The following PHACTR1 variants were observed in gnomAD, a reference collection of about 807,000 sequenced individuals.
PHACTR1 encodes RPEL repeat containing 1.
In PHACTR1, 16 loss-of-function variants were observed where a neutral mutation model predicts 69.2. That is an observed-to-expected ratio of 0.23 (90% confidence interval 0.16 to 0.35). The LOEUF (loss-of-function observed/expected upper bound fraction) is 0.35. Ranked by LOEUF, PHACTR1 falls within the 10% of genes least tolerant of loss-of-function variation. The pLI, the probability that PHACTR1 is intolerant of heterozygous loss-of-function variation, is 1.00. For missense variants in PHACTR1, 510 were observed against 734.7 expected, an observed-to-expected ratio of 0.69 and a Z score of 3.54; for synonymous variants, 312 against 284.5, an observed-to-expected ratio of 1.10 and a Z score of -0.97.
chr6:13,132,305 G>A (rs1027417391), intron 5 of PHACTR1, among the ~76,000 whole-genome samples: 2 of 152,076 alleles, frequency 1.3e-5, no homozygotes, highest in Non-Finnish European at 2.9e-5. Context: ...ACTGGCACCT[G>A]CCTGTGGGGA....
At chr6:13,066,510 G>A (rs929714180) in intron 5 of PHACTR1, among the ~76,000 whole-genome samples, 1 of 152,192 alleles carries the variant, frequency 6.6e-6, no homozygotes, top group African/African-American at 2.4e-5. Flanking sequence ...ATGACTGCGT[G>A]TGTTAAAAGC....
chr6:12,730,986 TTTTATTTA>T (rs10648753), intron 3 of PHACTR1, among the ~76,000 whole-genome samples: 1,860 of 137,982 alleles, frequency 0.013, 40 homozygotes, highest in African/African-American at 0.034. Flanking sequence ...ATATTACCTT[TTTTATTTA>T]TTTATTTATT....
intron 5 of PHACTR1, among the ~76,000 whole-genome samples, chr6:13,144,408 C>T (rs1414373659): frequency 6.6e-6 from 1 of 152,074 alleles, no homozygotes; most frequent in Non-Finnish European, 1.5e-5. Flanking sequence ...TATATACCAG[C>T]AACACATATT....
intron 7 of PHACTR1, among the ~76,000 whole-genome samples, chr6:13,183,614 C>T (rs1762458398): frequency 6.6e-6 from 1 of 152,066 alleles, no homozygotes; most frequent in South Asian, 2.1e-4. Flanking sequence ...CACAGAACAC[C>T]TGATCAGGGA....
intron 10 of PHACTR1, among the ~76,000 whole-genome samples, chr6:13,231,661 G>A (rs981711985): frequency 6.6e-6 from 1 of 152,024 alleles, no homozygotes; most frequent in African/African-American, 2.4e-5. Flanking sequence ...TGCCCTTTAT[G>A]TATGGATATT....
chr6:12,938,299 A>G lies in PHACTR1; in HGVS notation c.251-115066A>G, dbSNP rs1471504233. Among the ~76,000 whole-genome samples, 4 of 152,278 alleles carry G rather than the reference A, an allele frequency of 2.6e-5. No individual in the cohort carries two copies. The East Asian group carries it at 7.7e-4, about 29-fold the overall frequency. On this transcript the variant is annotated intron_variant, in intron 4 of 14. Coordinates refer to ENST00000332995, the MANE Select transcript of PHACTR1 (RefSeq NM_030948.6). ...AGGTTACACAGATAGTGCATAGTGA[A>G]ACCTACAGAGCCAGGAAAAAATGAG...
At chr6:12,764,690 C>A (rs1768402225) in intron 4 of PHACTR1, among the ~76,000 whole-genome samples, 1 of 152,110 alleles carries the variant, frequency 6.6e-6, no homozygotes, top group Non-Finnish European at 1.5e-5. Context: ...GATTTAGAGG[C>A]TGTACAGTCA....
In PHACTR1 at chr6:13,275,186, T is replaced by C. The variant is rs1329247797; in HGVS notation, c.1447+2271T>C. 1 of 152,594 alleles carries C rather than the reference T, an allele frequency of 6.6e-6. No homozygotes were observed. Among genetic ancestry groups the C allele is most frequent in the African/African-American group, 2.4e-5 (1 of 41,452 alleles). 9.5% of individuals were successfully genotyped at this position (152,594 alleles called of 1,614,324 possible). A position where few individuals can be genotyped will look rare whatever the true frequency, so the allele number is the denominator to read the frequency against. On this transcript the variant is annotated intron_variant, in intron 11 of 14. Coordinates refer to ENST00000332995, the MANE Select transcript of PHACTR1 (RefSeq NM_030948.6). The surrounding 1 kb of genome is among the most constrained non-coding windows in gnomAD (Gnocchi z 4.0). The stretch of plus-strand genomic sequence containing the variant: ...GCCCTGGAGCTTTGAGAGCCTTGGG[T>C]TGGTTTCCAGCCCCACCCTGCCTGG...
intron 10 of PHACTR1, among the ~76,000 whole-genome samples, chr6:13,230,997 CAGAGAGAG>C: frequency 8.8e-6 from 1 of 113,342 alleles, no homozygotes; most frequent in Non-Finnish European, 1.8e-5. Context: ...GCCCAGGTGA[CAGAGAGAG>C]AGAGAGAGAG....
chr6:13,104,563 C>T (rs1815777490), intron 5 of PHACTR1, among the ~76,000 whole-genome samples: 1 of 151,764 alleles, frequency 6.6e-6, no homozygotes, highest in African/African-American at 2.4e-5. Context: ...CTGAAATTTA[C>T]TTTAAATTAT....
At chr6:12,752,570 T>C (rs980344049) in intron 4 of PHACTR1, among the ~76,000 whole-genome samples, 3 of 152,254 alleles carry the variant, frequency 2.0e-5, no homozygotes, top group Admixed American at 6.5e-5. Flanking sequence ...TTTTAGAGGT[T>C]TAGCAATGCT....
intron 5 of PHACTR1, among the ~76,000 whole-genome samples, chr6:13,145,511 A>G (rs1169839989): frequency 6.6e-6 from 1 of 152,200 alleles, no homozygotes; most frequent in Non-Finnish European, 1.5e-5. Context: ...AATGTTATAG[A>G]CTGAATGTTT....
chr6:13,280,007 C>T (rs1397095815), intron 12 of PHACTR1: 2 of 152,000 alleles, frequency 1.3e-5, no homozygotes, highest in African/African-American at 4.8e-5. Flanking sequence ...CAAAATTCAC[C>T]CAGTTTTAAG....
At chr6:13,118,279 A>C (rs1334886351) in intron 5 of PHACTR1, among the ~76,000 whole-genome samples, 1 of 152,172 alleles carries the variant, frequency 6.6e-6, no homozygotes, top group Non-Finnish European at 1.5e-5. Flanking sequence ...TGAAGACGGC[A>C]GTTGTTCCCC....
At chr6:13,217,913 A>G (rs1767927820) in intron 8 of PHACTR1, among the ~76,000 whole-genome samples, 1 of 152,222 alleles carries the variant, frequency 6.6e-6, no homozygotes, top group South Asian at 2.1e-4. Context: ...TTGGTCTCCA[A>G]GAGGAAAGTG....
At chr6:12,852,008 T>A (rs1779872428) in intron 4 of PHACTR1, among the ~76,000 whole-genome samples, 1 of 152,104 alleles carries the variant, frequency 6.6e-6, no homozygotes, top group Non-Finnish European at 1.5e-5. Flanking sequence ...CTAACTTTTG[T>A]ATTTTTAGTA....
At chr6:13,020,479 G>A (rs1800806275) in intron 4 of PHACTR1, among the ~76,000 whole-genome samples, 1 of 152,170 alleles carries the variant, frequency 6.6e-6, no homozygotes, top group Non-Finnish European at 1.5e-5. Flanking sequence ...AGGATGTCAT[G>A]GACACGTAGG....
At chr6:13,268,033 G>A (rs531721493) in intron 10 of PHACTR1, among the ~76,000 whole-genome samples, 150 of 152,198 alleles carry the variant, frequency 9.9e-4, no homozygotes, top group African/African-American at 3.3e-3. Flanking sequence ...CTGGGAGGCC[G>A]AGGTGGGTGG....
At chr6:13,146,622 G>A (rs968137449) in intron 5 of PHACTR1, among the ~76,000 whole-genome samples, 1 of 152,182 alleles carries the variant, frequency 6.6e-6, no homozygotes, top group African/African-American at 2.4e-5. Context: ...GAACAAGGGT[G>A]CTATTATCTT....
Sources: allele counts gnomAD v4.1 joint callset (sites outside exome capture counted in the v4.1 genomes callset), GRCh38; gene constraint gnomAD v4.1.1; non-coding constraint Gnocchi (gnomAD v3.1); transcripts MANE v1.5; gene names NCBI Gene and HGNC (gene_info 2026-07-23, HGNC 2026-07-21).